The following RUSC2 variants were observed in gnomAD, a reference collection of about 807,000 sequenced individuals.
RUSC2 encodes AP-4 complex accessory subunit RUSC2.
Under a neutral mutation model 122.2 loss-of-function variants are expected in RUSC2, and 34 were observed. The ratio of observed to expected loss-of-function variants is 0.28; its 90% CI spans 0.21 to 0.37. The LOEUF is 0.37. RUSC2 is among the 10% of genes least tolerant of loss of function. The pLI is 1.00. For missense variants in RUSC2, 1,747 were observed against 1,952.4 expected (o/e 0.89, Z 1.98); for synonymous variants, 784 against 790.0 (o/e 0.99, Z 0.13).
chr9:35,546,508 T>G lies in RUSC2; in HGVS notation c.-14T>G. On this transcript the variant is annotated 5_prime_UTR_variant, in exon 2 of 12. It adds an upstream start codon to the 5' untranslated region. Coordinates refer to ENST00000361226, the MANE Select transcript of RUSC2 (RefSeq NM_014806.5). This position sits in a 1 kb window ranked among gnomAD's most constrained non-coding sequence, Gnocchi z 4.3. ...TGTCTGGTGCTGTTGAAGCCCTTAT[T>G]CGAACTTTCCAGAATGGATAGTCCC... 1 of 1,407,626 alleles carries G rather than the reference T, an allele frequency of 7.1e-7. No homozygotes were observed. The highest frequency in any genetic ancestry group is 9.3e-7 in the Non-Finnish European group (1 of 1,076,214). The allele number at this position is 1,407,626 out of a possible 1,614,324, so 87.2% of individuals were successfully genotyped here. A position where few individuals can be genotyped will look rare whatever the true frequency, so the allele number is the denominator to read the frequency against.
At chr9:35,544,774 A>G (rs1320329641) in intron 1 of RUSC2, among the ~76,000 whole-genome samples, 1 of 151,970 alleles carries the variant, frequency 6.6e-6, no homozygotes, top group Admixed American at 6.6e-5. Flanking sequence ...TATGGAGTCC[A>G]ATTTATGTTT....
chr9:35,547,386 A>C lies in RUSC2; in HGVS notation c.865A>C (p.Asn289His), dbSNP rs200301661. The change falls in exon 2 of 12, where the codon AAC (asparagine) becomes CAC (histidine). Residue 289 changes from asparagine to histidine, a missense_variant. Asn to His is a moderately conservative substitution (Grantham distance 68). Transcript: ENST00000361226. This position sits in a 1 kb window ranked among gnomAD's most constrained non-coding sequence, Gnocchi z 4.6. ...GCTGGTCACCTTCAGCACCCTCTAC[A>C]ACAAGATGCATGGCACCCCCCGTGC... ...GVLVTFSTLY[N>H]KMHGTPRANL... is the part of the protein sequence containing the mutation. 3.7e-5 allele frequency: 60 copies of C among 1,614,104 alleles called. No homozygotes were observed. Among genetic ancestry groups the C allele is most frequent in the Non-Finnish European group, 4.9e-5 (58 of 1,180,006 alleles).
chr9:35,512,623 C>G (rs1187633896), intron 1 of RUSC2, among the ~76,000 whole-genome samples: 1 of 152,084 alleles, frequency 6.6e-6, no homozygotes, highest in Non-Finnish European at 1.5e-5. Flanking sequence ...CCACTTATTG[C>G]CAGAAAATAC....
intron 1 of RUSC2, among the ~76,000 whole-genome samples, chr9:35,542,355 G>A (rs1333595959): frequency 6.6e-6 from 1 of 152,100 alleles, no homozygotes; most frequent in Admixed American, 6.6e-5. Flanking sequence ...TATGGTCTTA[G>A]GACAGGTAAA....
intron 1 of RUSC2, among the ~76,000 whole-genome samples, chr9:35,509,319 C>A (rs1200982613): frequency 6.6e-6 from 1 of 152,150 alleles, no homozygotes; most frequent in Non-Finnish European, 1.5e-5. Context: ...GGGAGGGTCA[C>A]ATGGTGTACA....
chr9:35,501,198 G>C (rs1404249546), intron 1 of RUSC2, among the ~76,000 whole-genome samples: 1 of 152,222 alleles, frequency 6.6e-6, no homozygotes, highest in African/African-American at 2.4e-5. Context: ...AGTCTAACCT[G>C]TTCAGGTTTC....
intron 1 of RUSC2, among the ~76,000 whole-genome samples, chr9:35,536,218 A>G (rs1341699519): frequency 6.6e-6 from 1 of 152,224 alleles, no homozygotes; most frequent in African/African-American, 2.4e-5. Context: ...ATCCTACTTG[A>G]CAATATAAGA....
intron 1 of RUSC2, among the ~76,000 whole-genome samples, chr9:35,497,467 A>G (rs1051344973): frequency 4.6e-5 from 7 of 152,146 alleles, no homozygotes; most frequent in Non-Finnish European, 8.8e-5. Context: ...TCCCCTGGCC[A>G]TGTATAAGAA....
At chr9:35,528,967 CAAA>C (rs1003511680) in intron 1 of RUSC2, among the ~76,000 whole-genome samples, 1 of 151,838 alleles carries the variant, frequency 6.6e-6, no homozygotes, top group Non-Finnish European at 1.5e-5. Context: ...AAAAAGAAAA[CAAA>C]AAATAAATAA....
At position 35,548,274 on chromosome 9, in the gene RUSC2, G is replaced by T; in HGVS notation, c.1753G>T (p.Ala585Ser). The T allele has an allele frequency of 1.9e-6, 3 of 1,613,948 alleles. No individual in the cohort carries two copies. Among genetic ancestry groups the T allele is most frequent in the Non-Finnish European group, 2.5e-6 (3 of 1,180,004 alleles). ...PIQEAQQDRG[A>S]PLDEGTCCSH... ...CCAAGAAGCCCAGCAAGATCGGGGG[G>T]CCCCACTGGATGAGGGCACTTGCTG... is the stretch of plus-strand genomic sequence containing the variant. Residue 585 changes from alanine (A) to serine (S), a missense_variant, in exon 2 of 12, where the codon GCC (alanine) becomes TCC (serine). Ala to Ser is a moderately conservative substitution (Grantham distance 99). Transcript: ENST00000361226. This position sits in a 1 kb window ranked among gnomAD's most constrained non-coding sequence, Gnocchi z 4.5.
chr9:35,552,912 G>A (rs1821929575), intron 2 of RUSC2, among the ~76,000 whole-genome samples: 1 of 152,218 alleles, frequency 6.6e-6, no homozygotes, highest in African/African-American at 2.4e-5. Context: ...GCCTCAGTCT[G>A]TATCCTGGGA....
rs757755593 is a variant in RUSC2 at position 35,547,833 on chromosome 9, G to T, written c.1312G>T (p.Gly438Cys). The change falls in exon 2 of 12, where the codon GGC becomes TGC. Residue 438 changes from glycine (G) to cysteine (C), a missense_variant. Coordinates refer to ENST00000361226, the MANE Select transcript of RUSC2 (RefSeq NM_014806.5). This position sits in a 1 kb window ranked among gnomAD's most constrained non-coding sequence, Gnocchi z 4.6. ...CCCACCAGGCCCTGGCCCAGACCCA[G>T]GCCCCAGCCAGCCCTCTGAGTATTA... ...SPPPGPGPDPGPSQPSEYYLF... is the reference protein window; with the variant it reads ...SPPPGPGPDPCPSQPSEYYLF... 3 of 1,614,072 alleles carry T rather than the reference G, an allele frequency of 1.9e-6. No individual in the cohort carries two copies. Among genetic ancestry groups the T allele is most frequent in the Non-Finnish European group, 2.5e-6 (3 of 1,180,018 alleles).
At chr9:35,504,543 G>T (rs763458342) in intron 1 of RUSC2, among the ~76,000 whole-genome samples, 2 of 150,016 alleles carry the variant, frequency 1.3e-5, no homozygotes, top group East Asian at 3.9e-4. Context: ...TCGGCTCACC[G>T]CAATCTCTGC....
rs1394995093 is a variant in RUSC2, at chr9:35,491,042, G to A, written c.-93+870G>A. 2.0e-5 allele frequency among the ~76,000 whole-genome samples: 3 copies of A among 151,574 alleles called. No individual in the cohort carries two copies. In the East Asian group the frequency reaches 5.8e-4, roughly 29 times the overall value. ...GAAACGCAGGAACAAGTAGATCTGA[G>A]TCAGGCAAGGATTACCACTATGTGA... is the stretch of plus-strand genomic sequence containing the variant. On this transcript the variant is annotated intron_variant, in intron 1 of 11. Coordinates refer to ENST00000361226, the MANE Select transcript of RUSC2 (RefSeq NM_014806.5).
intron 1 of RUSC2, among the ~76,000 whole-genome samples, chr9:35,531,326 G>C (rs1425062560): frequency 6.6e-6 from 1 of 152,182 alleles, no homozygotes; most frequent in African/African-American, 2.4e-5. Flanking sequence ...TTTAGTAGTA[G>C]AGTGACTTGC....
At chr9:35,549,982 C>T (rs1010771051) in intron 2 of RUSC2, among the ~76,000 whole-genome samples, 1 of 152,062 alleles carries the variant, frequency 6.6e-6, no homozygotes, top group African/African-American at 2.4e-5. Context: ...GAGGCCAAGG[C>T]GGGCGGATCA....
chr9:35,561,470 C>CAGAGT lies in RUSC2; in HGVS notation c.*92_*96dup. ...CCTTCCCAAGCCATTGGCTTGGCTG[C>CAGAGT]AGAGTAGACTGAGAGCTGGGGCCAC... On this transcript the variant is annotated 3_prime_UTR_variant, in exon 12 of 12. Coordinates refer to ENST00000361226, the MANE Select transcript of RUSC2 (RefSeq NM_014806.5). The CAGAGT allele has an allele frequency of 1.8e-6, 2 of 1,136,724 alleles. No individual in the cohort carries two copies. The highest frequency in any genetic ancestry group is 1.3e-6 in the Non-Finnish European group (1 of 790,398). The allele number at this position is 1,136,724 out of a possible 1,614,324, so 70.4% of individuals were successfully genotyped here. A position where few individuals can be genotyped will look rare whatever the true frequency, so the allele number is the denominator to read the frequency against.
In RUSC2 at chr9:35,558,416, G is replaced by C. The variant is rs1286891122; in HGVS notation, c.3235+45G>C. The C allele has an allele frequency of 6.2e-7, 1 of 1,613,836 alleles. No individual in the cohort carries two copies. Among genetic ancestry groups the C allele is most frequent in the Non-Finnish European group, 8.5e-7 (1 of 1,179,870 alleles). On this transcript the variant is annotated intron_variant, in intron 7 of 11. Transcript: ENST00000361226. The surrounding 1 kb of genome is among the most constrained non-coding windows in gnomAD (Gnocchi z 4.3). ...ACGGGGACCCAGGGCTGAATTTAGG[G>C]CTCCAGAAATTGGTCATGTGACCTG...
intron 1 of RUSC2, among the ~76,000 whole-genome samples, chr9:35,509,475 T>C (rs1356624289): frequency 6.6e-6 from 1 of 152,216 alleles, no homozygotes; most frequent in Non-Finnish European, 1.5e-5. Flanking sequence ...AAATTCTTGA[T>C]TTACAGTTAA....
Sources: gnomAD v4.1 joint callset for allele counts (sites outside exome capture counted in the v4.1 genomes callset) on GRCh38, gnomAD v4.1.1 for gene constraint, Gnocchi (gnomAD v3.1) non-coding constraint, MANE v1.5 for transcripts, NCBI Gene and HGNC (gene_info 2026-07-23, HGNC 2026-07-21) for gene names.